PIK3R3: variants seen among roughly 807,000 people sequenced by gnomAD.
PIK3R3 encodes the protein phosphatidylinositol 3-kinase regulatory subunit gamma.
In PIK3R3, 64 loss-of-function variants were observed where a neutral mutation model predicts 62.9. The observed-to-expected ratio is 1.02, with a 90% CI of 0.83 to 1.25. The LOEUF (loss-of-function observed/expected upper bound fraction) is 1.25, where lower values mean the gene tolerates loss of function less well. Ranked by LOEUF, PIK3R3 falls within the 50% of genes most tolerant of loss-of-function variation. The pLI is 0.00. For missense variants in PIK3R3, 614 were observed against 561.6 expected, an observed-to-expected ratio of 1.09 and a Z score of -0.94; for synonymous variants, 165 against 189.0, an observed-to-expected ratio of 0.87 and a Z score of 1.04.
intron 1 of PIK3R3, among the ~76,000 whole-genome samples, chr1:46,121,209 G>A (rs1037579913): frequency 6.6e-6 from 1 of 152,112 alleles, no homozygotes; most frequent in Admixed American, 6.6e-5. Context: ...GAAAACATAT[G>A]AATTAAACAC....
intron 1 of PIK3R3, among the ~76,000 whole-genome samples, chr1:46,121,660 A>G (rs1571556993): frequency 1.3e-5 from 2 of 152,214 alleles, no homozygotes; most frequent in Admixed American, 1.3e-4. Flanking sequence ...TTAAAAATAA[A>G]TAGTTAATAA....
upstream of PIK3R3, among the ~76,000 whole-genome samples, chr1:46,135,451 TG>T (rs1355304255): frequency 6.6e-6 from 1 of 152,226 alleles, no homozygotes; most frequent in African/African-American, 2.4e-5. Context: ...ACACTTAGAA[TG>T]AAAAAATATG....
chr1:46,172,830 T>G, the PIK3R3 span, among the ~76,000 whole-genome samples: 2 of 151,614 alleles, frequency 1.3e-5, no homozygotes, highest in Non-Finnish European at 2.9e-5. Context: ...CCATCTCTAC[T>G]AAAAATACAA....
chr1:46,090,348 T>TTTA (rs1651505484), intron 1 of PIK3R3, among the ~76,000 whole-genome samples: 2 of 143,800 alleles, frequency 1.4e-5, no homozygotes, highest in Admixed American at 1.4e-4. Flanking sequence ...TTATTTATTT[T>TTTA]TTTGAGACAG....
chr1:46,094,907 GT>G (rs1198586928), intron 1 of PIK3R3, among the ~76,000 whole-genome samples: 1 of 152,178 alleles, frequency 6.6e-6, no homozygotes, highest in African/African-American at 2.4e-5. Flanking sequence ...CCAGCAGGTA[GT>G]TTTAGTTGAG....
At chr1:46,172,643 T>G in the PIK3R3 span, among the ~76,000 whole-genome samples, 1 of 151,994 alleles carries the variant, frequency 6.6e-6, no homozygotes, top group Non-Finnish European at 1.5e-5. Context: ...TGAGCTAAGG[T>G]CAGGTCACTG....
intron 1 of PIK3R3, among the ~76,000 whole-genome samples, chr1:46,101,086 C>T (rs1034510646): frequency 6.8e-6 from 1 of 147,940 alleles, no homozygotes; most frequent in Non-Finnish European, 1.5e-5. Flanking sequence ...GCATGAGAAT[C>T]GTCTGAACCC....
At position 46,043,664 on chromosome 1, in the gene PIK3R3, A is replaced by C; in HGVS notation, c.*9T>G. On this transcript the variant is annotated 3_prime_UTR_variant, in exon 10 of 10. Coordinates refer to ENST00000262741, the MANE Select transcript of PIK3R3 (RefSeq NM_003629.4). ...ATGCCAGAGAACCACCTCTCTTCCCACTTCCTCTTTATCTGCAAAGCGAGG... is the reference window on the plus strand; with the variant it reads ...ATGCCAGAGAACCACCTCTCTTCCCCCTTCCTCTTTATCTGCAAAGCGAGG... 6.2e-7 allele frequency: 1 copy of C among 1,613,266 alleles called. No homozygotes were observed. The highest frequency in any genetic ancestry group is 8.5e-7 in the Non-Finnish European group (1 of 1,179,250).
intron 7 of PIK3R3, among the ~76,000 whole-genome samples, chr1:46,052,945 G>A (rs1191458303): frequency 6.6e-6 from 1 of 152,128 alleles, no homozygotes; most frequent in African/African-American, 2.4e-5. Context: ...CAAGACCAGA[G>A]AGAGATCATA....
intron 1 of PIK3R3, among the ~76,000 whole-genome samples, chr1:46,103,277 A>C (rs775416341): frequency 8.5e-5 from 13 of 152,160 alleles, no homozygotes; most frequent in Non-Finnish European, 1.5e-4. Context: ...TTAACAATAC[A>C]CTTGAAAATG....
the PIK3R3 span, among the ~76,000 whole-genome samples, chr1:46,173,940 C>G: frequency 6.6e-6 from 1 of 152,010 alleles, no homozygotes; most frequent in African/African-American, 2.4e-5. Context: ...GCAGGGAAGT[C>G]TGGTGAGTGT....
At chr1:46,131,773 G>T in intron 1 of PIK3R3, 74 bp downstream of exon 1, 2 of 1,445,836 alleles carry the variant, frequency 1.4e-6, no homozygotes, top group Non-Finnish European at 1.9e-6. Flanking sequence ...CTTCTGCCCT[G>T]AAAACATCAG....
At chr1:46,067,894 A>G (rs1649149926) in intron 3 of PIK3R3, among the ~76,000 whole-genome samples, 3 of 152,224 alleles carry the variant, frequency 2.0e-5, no homozygotes, top group Admixed American at 6.5e-5. Flanking sequence ...CTAAAGTTTA[A>G]AATAGCAATG....
Position 46,045,955 on chromosome 1 carries a change from C to CA in PIK3R3, c.1149dup (p.Glu384Ter), listed in dbSNP as rs1647104344. ...GCATAGCATCCTTTCTTGCTACTCT[C>CA]ACGAATTAAGAATGCACCATCAGGT... On this transcript the variant is annotated frameshift_variant, in exon 9 of 10. Transcript: ENST00000262741. LOFTEE classifies it high-confidence loss of function. The CA allele has an allele frequency of 6.2e-7, 1 of 1,613,590 alleles. No homozygotes were observed. The highest frequency in any genetic ancestry group is 8.5e-7 in the Non-Finnish European group (1 of 1,179,864).
At chr1:46,144,383 G>T in the PIK3R3 span, among the ~76,000 whole-genome samples, 3 of 152,148 alleles carry the variant, frequency 2.0e-5, no homozygotes, top group Non-Finnish European at 4.4e-5. Context: ...CCTAACATTT[G>T]CAGGGCCCAG....
intron 1 of PIK3R3, among the ~76,000 whole-genome samples, chr1:46,087,111 C>T (rs908223526): frequency 1.4e-4 from 21 of 152,212 alleles, no homozygotes; most frequent in African/African-American, 4.8e-4. Flanking sequence ...ACACCAGGGC[C>T]CGTCGTGTGT....
Position 46,061,971 on chromosome 1 carries a change from A to G in PIK3R3, c.722T>C (p.Ile241Thr), listed in dbSNP as rs1648536416. The G allele has an allele frequency of 6.2e-7, 1 of 1,613,398 alleles. No homozygotes were observed. Among genetic ancestry groups the G allele is most frequent in the Non-Finnish European group, 8.5e-7 (1 of 1,179,450 alleles). The change falls in exon 6 of 10, where the codon ATT becomes ACT. Residue 241 changes from isoleucine to threonine, a missense_variant. By Grantham distance (89) the Ile-to-Thr change is moderately conservative. Transcript: ENST00000262741. ...HTQEQHSKEYIERFRREGNEK... is the reference protein window; with the variant it reads ...HTQEQHSKEYTERFRREGNEK... The stretch of plus-strand genomic sequence containing the variant: ...ATTCCCCTCTCTGCGAAATCGCTCA[A>G]TATATTCTTTGCTATGTTGTTCTTG...
rs768627686 is a variant in PIK3R3 at position 46,046,537 on chromosome 1, T to G, written c.1016+14A>C. 23 of 1,558,128 alleles carry G rather than the reference T, an allele frequency of 1.5e-5. No individual in the cohort carries two copies. In the South Asian group the frequency reaches 2.6e-4, roughly 17 times the overall value. On this transcript the variant is annotated intron_variant, in intron 8 of 9. Coordinates refer to ENST00000262741, the MANE Select transcript of PIK3R3 (RefSeq NM_003629.4). Reference sequence around the variant, plus strand: ...AACAAAGCCCTCTGACAGAAAGGTATAGAGAGAACTTACTCATCAGCATCC... The same window carrying G: ...AACAAAGCCCTCTGACAGAAAGGTAGAGAGAGAACTTACTCATCAGCATCC...
intron 1 of PIK3R3, among the ~76,000 whole-genome samples, chr1:46,094,963 C>T (rs187080669): frequency 6.6e-6 from 1 of 152,316 alleles, no homozygotes; most frequent in Non-Finnish European, 1.5e-5. Context: ...TCTTTGGAGA[C>T]ACATATGATA....
Sources: gnomAD v4.1 joint callset for allele counts (sites outside exome capture counted in the v4.1 genomes callset) on GRCh38, gnomAD v4.1.1 for gene constraint, MANE v1.5 for transcripts, NCBI Gene and HGNC (gene_info 2026-07-23, HGNC 2026-07-21) for gene names.